PIK3CB: variants seen among roughly 807,000 people sequenced by gnomAD.
The protein encoded by PIK3CB is phosphatidylinositol 4,5-bisphosphate 3-kinase catalytic subunit beta isoform.
Under a neutral mutation model 136.8 loss-of-function variants are expected in PIK3CB, and 39 were observed. That is an observed-to-expected ratio of 0.29 (90% CI 0.22 to 0.37). The LOEUF (loss-of-function observed/expected upper bound fraction) is 0.37, where lower values mean the gene tolerates loss of function less well. PIK3CB is among the 10% of genes least tolerant of loss of function. The pLI is 1.00. For missense variants in PIK3CB, 868 were observed against 1,275.4 expected, an observed-to-expected ratio of 0.68 and a Z score of 4.87; for synonymous variants, 428 against 436.6, an observed-to-expected ratio of 0.98 and a Z score of 0.25.
chr3:138,800,039 C>T lies in PIK3CB; in HGVS notation c.-121-3472G>A, dbSNP rs183808750. ...CTCTAGCCTTACTGGTATATTTTCT[C>T]TTCCTCACACTTTGTTCCTATTTAG... is the stretch of plus-strand genomic sequence containing the variant. On this transcript the variant is annotated intron_variant, in intron 1 of 23. Coordinates refer to ENST00000674063, the MANE Select transcript of PIK3CB (RefSeq NM_006219.3). Among the ~76,000 whole-genome samples, 232 of 152,198 alleles carry T rather than the reference C, an allele frequency of 1.5e-3. 1 individual carries two copies. Among genetic ancestry groups the T allele is most frequent in the Admixed American group, 2.2e-3 (34 of 15,262 alleles).
chr3:138,774,076 G>A (rs1331381891), intron 2 of PIK3CB, among the ~76,000 whole-genome samples: 1 of 152,172 alleles, frequency 6.6e-6, no homozygotes, highest in African/African-American at 2.4e-5. Flanking sequence ...CTACATTACA[G>A]GAGAGCATTT....
chr3:138,656,719 G>T (rs1445149041), intron 22 of PIK3CB, among the ~76,000 whole-genome samples: 1 of 151,922 alleles, frequency 6.6e-6, no homozygotes, highest in Non-Finnish European at 1.5e-5. Flanking sequence ...GCTCCTTCCT[G>T]TCATCCTGCC....
Position 138,816,365 on chromosome 3 carries a change from G to A in PIK3CB, c.-122+18330C>T, listed in dbSNP as rs189940579. ...TTCCAGCACTTTGGGAGACCAAGGC[G>A]GGTGGATCACTTGAGGTCAAGAGTT... On this transcript the variant is annotated intron_variant, in intron 1 of 23. Transcript: ENST00000674063. 1.8e-4 allele frequency among the ~76,000 whole-genome samples: 27 copies of A among 151,574 alleles called. No homozygotes were observed. The East Asian group carries it at 3.7e-3, about 21-fold the overall frequency.
intron 21 of PIK3CB, among the ~76,000 whole-genome samples, chr3:138,658,448 T>TCAACAA (rs369703636): frequency 4.6e-5 from 7 of 151,836 alleles, no homozygotes; most frequent in East Asian, 1.9e-4. Context: ...AGACCCTGTC[T>TCAACAA]CAACAACAAC....
intron 16 of PIK3CB, among the ~76,000 whole-genome samples, chr3:138,687,447 A>G (rs1174450272): frequency 2.6e-5 from 4 of 152,212 alleles, no homozygotes; most frequent in African/African-American, 7.2e-5. Context: ...GGGATTTTAA[A>G]AGGGAAATGA....
intron 1 of PIK3CB, among the ~76,000 whole-genome samples, chr3:138,801,392 A>G (rs1576421237): frequency 6.6e-6 from 1 of 152,226 alleles, no homozygotes; most frequent in East Asian, 1.9e-4. Context: ...AAAATTACCT[A>G]TATTCAAAGT....
chr3:138,746,935 G>A (rs1482560361), intron 4 of PIK3CB, among the ~76,000 whole-genome samples: 3 of 149,788 alleles, frequency 2.0e-5, no homozygotes, highest in East Asian at 2.0e-4. Context: ...TAGCTGCGGC[G>A]ACAGTTTCAT....
intron 19 of PIK3CB, among the ~76,000 whole-genome samples, chr3:138,678,958 C>G (rs1340351455): frequency 6.6e-6 from 1 of 151,938 alleles, no homozygotes. Context: ...CCCAGCTACT[C>G]GGGAGGCTGA....
At chr3:138,750,414 A>G (rs1029395524) in intron 4 of PIK3CB, among the ~76,000 whole-genome samples, 2 of 152,164 alleles carry the variant, frequency 1.3e-5, no homozygotes, top group Non-Finnish European at 2.9e-5. Flanking sequence ...ATCAGGCATT[A>G]GATTCTCGCT....
At chr3:138,736,580 GT>G (rs2045109363) in intron 6 of PIK3CB, among the ~76,000 whole-genome samples, 2 of 152,096 alleles carry the variant, frequency 1.3e-5, no homozygotes, top group African/African-American at 4.8e-5. Context: ...ACATCTTCAA[GT>G]TACTTGAAGG....
intron 2 of PIK3CB, among the ~76,000 whole-genome samples, chr3:138,772,296 TATAAA>T (rs2045809259): frequency 6.6e-6 from 1 of 152,160 alleles, no homozygotes; most frequent in African/African-American, 2.4e-5. Flanking sequence ...CAAAAGTAAC[TATAAA>T]ATAAATGTTT....
At chr3:138,798,062 C>T (rs1314184154) in intron 1 of PIK3CB, among the ~76,000 whole-genome samples, 1 of 152,100 alleles carries the variant, frequency 6.6e-6, no homozygotes, top group Non-Finnish European at 1.5e-5. Flanking sequence ...GGTGGGAAGA[C>T]CAATTTGCAA....
At position 138,654,382 on chromosome 3, in the gene PIK3CB, GA is replaced by G; in HGVS notation, c.*1006del. 4.5e-6 allele frequency: 1 copy of G among 222,984 alleles called. No homozygotes were observed. Among genetic ancestry groups the G allele is most frequent in the Non-Finnish European group, 8.9e-6 (1 of 111,904 alleles). 13.8% of individuals were successfully genotyped at this position (222,984 alleles called of 1,614,324 possible). ...CATTTCAATTTGAACTAATATCCTT[GA>G]AAAAAATCACATTATTACAAGTTTT... On this transcript the variant is annotated 3_prime_UTR_variant, in exon 24 of 24. Transcript: ENST00000674063.
intron 4 of PIK3CB, among the ~76,000 whole-genome samples, chr3:138,748,274 T>C (rs963216393): frequency 2.6e-5 from 4 of 151,512 alleles, no homozygotes; most frequent in African/African-American, 9.7e-5. Context: ...CCAAGTATAC[T>C]AACCCAACAC....
At chr3:138,829,898 T>C (rs1173568546) in intron 1 of PIK3CB, among the ~76,000 whole-genome samples, 11 of 152,162 alleles carry the variant, frequency 7.2e-5, no homozygotes, top group Admixed American at 6.6e-5. Context: ...GAAGGTGTCA[T>C]GTAGGCAGGC....
chr3:138,653,802 A>G lies in PIK3CB; in HGVS notation c.*1587T>C, dbSNP rs1242406093. 2 of 197,022 alleles carry G rather than the reference A, an allele frequency of 1.0e-5. No individual in the cohort carries two copies. Among genetic ancestry groups the G allele is most frequent in the African/African-American group, 4.6e-5 (2 of 43,252 alleles). 12.2% of individuals were successfully genotyped at this position (197,022 alleles called of 1,614,324 possible). ...CTACCCAGACTTCAGGACACCTCCC[A>G]TATGCATGGCTCCTTACCTCAGGCT... On this transcript the variant is annotated 3_prime_UTR_variant, in exon 24 of 24. Coordinates refer to ENST00000674063, the MANE Select transcript of PIK3CB (RefSeq NM_006219.3).
At chr3:138,711,930 C>G (rs1293549642) in intron 10 of PIK3CB, among the ~76,000 whole-genome samples, 1 of 151,190 alleles carries the variant, frequency 6.6e-6, no homozygotes, top group East Asian at 1.9e-4. Flanking sequence ...GGCAGTATAG[C>G]GAGACCTTGT....
At chr3:138,760,902 G>A (rs1277458917) in intron 2 of PIK3CB, among the ~76,000 whole-genome samples, 1 of 151,974 alleles carries the variant, frequency 6.6e-6, no homozygotes, top group African/African-American at 2.4e-5. Flanking sequence ...GTGAGACCCT[G>A]TCTTAAAAAA....
At chr3:138,708,817 A>G (rs1205103870) in intron 10 of PIK3CB, among the ~76,000 whole-genome samples, 1 of 152,114 alleles carries the variant, frequency 6.6e-6, no homozygotes, top group African/African-American at 2.4e-5. Context: ...TCTGCTCTCT[A>G]GTACTATTTT....
Sources: allele counts gnomAD v4.1 joint callset (sites outside exome capture counted in the v4.1 genomes callset), GRCh38; gene constraint gnomAD v4.1.1; transcripts MANE v1.5; gene names NCBI Gene and HGNC (gene_info 2026-07-23, HGNC 2026-07-21).